The following VPS13A variants were observed in gnomAD, a reference collection of about 807,000 sequenced individuals.
The protein encoded by VPS13A is intermembrane lipid transfer protein VPS13A.
Under a neutral mutation model 390.9 loss-of-function variants are expected in VPS13A, and 264 were observed. The ratio of observed to expected loss-of-function variants is 0.68; its 90% CI spans 0.61 to 0.75. VPS13A has a LOEUF of 0.75. VPS13A is among the 30% of genes least tolerant of loss of function. The probability of loss-of-function intolerance (pLI) is 0.00; values close to 1 mark genes in which losing one functional copy is unlikely to be tolerated. For missense variants in VPS13A, 3,409 were observed against 3,733.9 expected, an observed-to-expected ratio of 0.91 and a Z score of 2.27; for synonymous variants, 1,231 against 1,227.1, an observed-to-expected ratio of 1.00 and a Z score of -0.07.
chr9:77,340,311 C>T, intron 49 of VPS13A, 29 bp downstream of exon 49: 1 of 1,606,782 alleles, frequency 6.2e-7, no homozygotes, highest in Non-Finnish European at 8.5e-7. Flanking sequence ...TATCAAGAAA[C>T]TTTTATTTTA....
chr9:77,256,594 C>G (rs1825458577), intron 22 of VPS13A, among the ~76,000 whole-genome samples: 1 of 152,038 alleles, frequency 6.6e-6, no homozygotes, highest in Non-Finnish European at 1.5e-5. Context: ...ATTGAAGTCT[C>G]CTATTATTAT....
chr9:77,395,528 G>T (rs1834086062), intron 68 of VPS13A, among the ~76,000 whole-genome samples: 1 of 152,164 alleles, frequency 6.6e-6, no homozygotes, highest in Non-Finnish European at 1.5e-5. Context: ...CACGAAATGA[G>T]CATGTGCTGT....
intron 67 of VPS13A, among the ~76,000 whole-genome samples, chr9:77,381,292 T>A (rs1833421285): frequency 1.3e-5 from 2 of 152,116 alleles, no homozygotes; most frequent in Non-Finnish European, 2.9e-5. Flanking sequence ...TTTTTTTATT[T>A]TTTTGTAGAG....
At chr9:77,275,103 C>T (rs1226691056) in intron 24 of VPS13A, among the ~76,000 whole-genome samples, 1 of 152,108 alleles carries the variant, frequency 6.6e-6, no homozygotes, top group East Asian at 1.9e-4. Flanking sequence ...AGTCCTGTTA[C>T]ACTATCCAGG....
At chr9:77,391,278 G>A (rs1032146473) in intron 68 of VPS13A, among the ~76,000 whole-genome samples, 11 of 152,136 alleles carry the variant, frequency 7.2e-5, no homozygotes, top group Non-Finnish European at 7.3e-5. Flanking sequence ...GTGTGTGTAC[G>A]TGCATGCTGT....
At chr9:77,244,007 C>T (rs986984307) in intron 19 of VPS13A, among the ~76,000 whole-genome samples, 6 of 152,012 alleles carry the variant, frequency 3.9e-5, no homozygotes, top group South Asian at 2.1e-4. Context: ...GGTGGCCGAG[C>T]GGGGAGGAAC....
At chr9:77,323,515 G>A (rs1829855201) in intron 45 of VPS13A, among the ~76,000 whole-genome samples, 1 of 151,876 alleles carries the variant, frequency 6.6e-6, no homozygotes, top group Admixed American at 6.6e-5. Flanking sequence ...TCTTTGTAAT[G>A]TATTTATATC....
At chr9:77,358,481 G>A in intron 57 of VPS13A, 43 bp downstream of exon 57, 3 of 1,479,134 alleles carry the variant, frequency 2.0e-6, no homozygotes, top group Non-Finnish European at 2.8e-6. Context: ...AGTTGTATTA[G>A]CTATTTGATT....
chr9:77,363,014 T>C (rs1832226064), intron 59 of VPS13A, among the ~76,000 whole-genome samples: 1 of 152,180 alleles, frequency 6.6e-6, no homozygotes, highest in South Asian at 2.1e-4. Flanking sequence ...CCGTATATTC[T>C]TTTGGGATTT....
intron 39 of VPS13A, among the ~76,000 whole-genome samples, chr9:77,316,627 C>T (rs901585472): frequency 6.6e-6 from 1 of 152,070 alleles, no homozygotes; most frequent in Non-Finnish European, 1.5e-5. Context: ...GGAATATTGT[C>T]ACTAAGAAGT....
At chr9:77,278,374 C>T (rs1693173090) in intron 26 of VPS13A, among the ~76,000 whole-genome samples, 1 of 151,748 alleles carries the variant, frequency 6.6e-6, no homozygotes, top group Admixed American at 6.6e-5. Flanking sequence ...CGCCTGGCCA[C>T]ACTTATTAAG....
chr9:77,411,793 A>C (rs1044193861), intron 71 of VPS13A, among the ~76,000 whole-genome samples: 2 of 152,010 alleles, frequency 1.3e-5, no homozygotes, highest in African/African-American at 4.8e-5. Context: ...CCTTCAAAAA[A>C]TGAATCCAGG....
chr9:77,404,323 TTTTAA>T (rs1390848602), intron 69 of VPS13A, among the ~76,000 whole-genome samples: 3 of 152,166 alleles, frequency 2.0e-5, no homozygotes, highest in African/African-American at 7.2e-5. Context: ...ATGTACTTAG[TTTTAA>T]TTTTTCACTT....
intron 26 of VPS13A, 58 bp from the exon 27 acceptor site, chr9:77,280,101 G>A (rs1405861217): frequency 7.7e-7 from 1 of 1,303,452 alleles, no homozygotes; most frequent in African/African-American, 1.5e-5. Context: ...AAGATTGCTT[G>A]CATTTATTTT....
chr9:77,201,494 T>C (rs964238103), intron 3 of VPS13A, 87 bp downstream of exon 3: 1 of 1,135,552 alleles, frequency 8.8e-7, no homozygotes, highest in Admixed American at 1.7e-5. Context: ...GTGATATTTT[T>C]CATGTTTCTG....
chr9:77,348,959 A>G (rs549861360), intron 52 of VPS13A, among the ~76,000 whole-genome samples: 6 of 152,064 alleles, frequency 3.9e-5, no homozygotes, highest in Non-Finnish European at 7.4e-5. Context: ...TAATCAACAC[A>G]TTTACATTTG....
At chr9:77,249,527 CAT>C (rs1478588187) in intron 20 of VPS13A, among the ~76,000 whole-genome samples, 4 of 152,288 alleles carry the variant, frequency 2.6e-5, no homozygotes, top group Middle Eastern at 3.4e-3. Flanking sequence ...TGTGTACACA[CAT>C]GTATTTTTAT....
At chr9:77,278,725 C>G (rs1381465704) in intron 26 of VPS13A, among the ~76,000 whole-genome samples, 2 of 152,126 alleles carry the variant, frequency 1.3e-5, no homozygotes, top group Non-Finnish European at 2.9e-5. Context: ...AGTTTGTAGT[C>G]CTTTCTTCCA....
intron 2 of VPS13A, among the ~76,000 whole-genome samples, chr9:77,201,005 A>T (rs1323119758): frequency 6.6e-6 from 1 of 152,140 alleles, no homozygotes; most frequent in Non-Finnish European, 1.5e-5. Flanking sequence ...CAAAACGCGT[A>T]TTTTGCAAAA....
Sources: gnomAD v4.1 joint callset for allele counts (sites outside exome capture counted in the v4.1 genomes callset) on GRCh38, gnomAD v4.1.1 for gene constraint, MANE v1.5 for transcripts, NCBI Gene and HGNC (gene_info 2026-07-23, HGNC 2026-07-21) for gene names.